The following ZFHX3 variants were observed in gnomAD, a reference collection of about 807,000 sequenced individuals.
The protein encoded by ZFHX3 is zinc finger homeobox 3, also known as zinc finger homeobox protein 3.
A neutral mutation model predicts 279.1 loss-of-function variants in ZFHX3; 42 were observed. The observed-to-expected ratio is 0.15, with a 90% confidence interval of 0.12 to 0.19. The LOEUF (loss-of-function observed/expected upper bound fraction) is 0.19. ZFHX3 is among the 10% of genes least tolerant of loss of function. The pLI, the probability that ZFHX3 is intolerant of heterozygous loss-of-function variation, is 1.00. For missense variants in ZFHX3, 4,981 were observed against 4,754.0 expected, an observed-to-expected ratio of 1.05 and a Z score of -1.40; for synonymous variants, 2,293 against 1,957.8, an observed-to-expected ratio of 1.17 and a Z score of -4.52.
chr16:73,703,201 A>C (rs2053268043), intron 1 of ZFHX3, among the ~76,000 whole-genome samples: 1 of 152,062 alleles, frequency 6.6e-6, no homozygotes, highest in Non-Finnish European at 1.5e-5. Context: ...CTTTGGGAGC[A>C]GTTCGTTTAA....
At chr16:72,981,480 G>A (rs1962597431) in intron 1 of ZFHX3, among the ~76,000 whole-genome samples, 1 of 152,180 alleles carries the variant, frequency 6.6e-6, no homozygotes, top group Admixed American at 6.5e-5. Context: ...AACACTTTCA[G>A]TGAGTTTAAA....
Position 73,365,726 on chromosome 16 carries a change from C to A in ZFHX3, c.-1290-47390G>T, listed in dbSNP as rs530586446. The stretch of plus-strand genomic sequence containing the variant: ...TGTATCAGCCCTCTGGCCCCCAGCT[C>A]ACCAAAATAAACACAGCCTGTAGAA... On this transcript the variant is annotated intron_variant, in intron 3 of 17. Transcript: ENST00000641206. Among the ~76,000 whole-genome samples, 7 of 152,304 alleles carry A rather than the reference C, an allele frequency of 4.6e-5. No homozygotes were observed. The East Asian group carries it at 1.4e-3, about 29-fold the overall frequency.
intron 2 of ZFHX3, among the ~76,000 whole-genome samples, chr16:73,466,371 C>T (rs2018570727): frequency 6.6e-6 from 1 of 152,096 alleles, no homozygotes; most frequent in Admixed American, 6.5e-5. Flanking sequence ...TGGTCCCAGC[C>T]ACTTTGGAGA....
chr16:73,158,318 A>G (rs1336318913), intron 5 of ZFHX3, among the ~76,000 whole-genome samples: 1 of 152,172 alleles, frequency 6.6e-6, no homozygotes, highest in Non-Finnish European at 1.5e-5. Context: ...TGACAACTGA[A>G]TAGTTTAAAA....
chr16:73,067,631 A>G (rs933489476), intron 8 of ZFHX3, among the ~76,000 whole-genome samples: 1 of 152,190 alleles, frequency 6.6e-6, no homozygotes, highest in Non-Finnish European at 1.5e-5. Flanking sequence ...TTTGCAACAA[A>G]GATGCACGGT....
At chr16:73,186,011 C>T (rs1174751556) in intron 5 of ZFHX3, among the ~76,000 whole-genome samples, 1 of 152,096 alleles carries the variant, frequency 6.6e-6, no homozygotes, top group Non-Finnish European at 1.5e-5. Context: ...TTGGGAACTG[C>T]ATATGCGAGG....
intron 1 of ZFHX3, among the ~76,000 whole-genome samples, chr16:73,747,667 A>G (rs2053716548): frequency 2.0e-5 from 3 of 152,190 alleles, no homozygotes; most frequent in Admixed American, 1.3e-4. Context: ...AGATATAAGT[A>G]TAGGTATAGG....
Position 73,044,600 on chromosome 16 carries a change from GTGTTTGTT to G in ZFHX3, c.-50+3144_-50+3151del, listed in dbSNP as rs55924998. Among the ~76,000 whole-genome samples, 18 of 150,962 alleles carry G rather than the reference GTGTTTGTT, an allele frequency of 1.2e-4. 1 individual carries two copies. The highest frequency in any genetic ancestry group is 2.1e-4 in the South Asian group (1 of 4,752). ...CAAGTGAGTTACTCTTAAAAGGTGA[GTGTTTGTT>G]TGTTTGTTTGTTTGTTTGCTTTGAG... On this transcript the variant is annotated intron_variant, in intron 1 of 9. Coordinates refer to ENST00000268489, the MANE Select transcript of ZFHX3 (RefSeq NM_006885.4).
At chr16:73,001,898 G>A (rs1963511513) in intron 1 of ZFHX3, among the ~76,000 whole-genome samples, 1 of 151,958 alleles carries the variant, frequency 6.6e-6, no homozygotes, top group Non-Finnish European at 1.5e-5. Flanking sequence ...AGGCCAGACT[G>A]ACTCTCTCTA....
chr16:73,115,500 G>T (rs972496253), intron 7 of ZFHX3, among the ~76,000 whole-genome samples: 1 of 151,984 alleles, frequency 6.6e-6, no homozygotes, highest in African/African-American at 2.4e-5. Flanking sequence ...CAGTGAACCG[G>T]GATCATGCCA....
At chr16:73,298,500 GTTTTTTT>G (rs113148342) in intron 4 of ZFHX3, among the ~76,000 whole-genome samples, 1 of 133,980 alleles carries the variant, frequency 7.5e-6, no homozygotes, top group East Asian at 2.2e-4. Flanking sequence ...TGTTGTCGTC[GTTTTTTT>G]TTTTTTTTTC....
chr16:72,819,561 G>A (rs1214213393), intron 5 of ZFHX3, among the ~76,000 whole-genome samples: 3 of 152,182 alleles, frequency 2.0e-5, no homozygotes, highest in Non-Finnish European at 2.9e-5. Context: ...GTCCAGGGAC[G>A]ACACTTTGAG....
chr16:72,899,829 A>G (rs1356234989), intron 3 of ZFHX3, among the ~76,000 whole-genome samples: 1 of 152,234 alleles, frequency 6.6e-6, no homozygotes, highest in Non-Finnish European at 1.5e-5. Context: ...CCTTCATAAT[A>G]AATGAGGCTA....
At chr16:73,661,952 G>A (rs200296754) in intron 2 of ZFHX3, among the ~76,000 whole-genome samples, 46 of 148,362 alleles carry the variant, frequency 3.1e-4, no homozygotes, top group African/African-American at 1.0e-3. Flanking sequence ...CACCTATAAC[G>A]TAGGTCATTC....
At chr16:73,876,274 C>T (rs890825507) in intron 1 of ZFHX3, among the ~76,000 whole-genome samples, 2 of 152,198 alleles carry the variant, frequency 1.3e-5, no homozygotes, top group African/African-American at 2.4e-5. Flanking sequence ...AAAATATCCT[C>T]TAAGACTGAT....
chr16:73,546,423 G>T (rs867405479), intron 2 of ZFHX3, among the ~76,000 whole-genome samples: 5 of 151,688 alleles, frequency 3.3e-5, no homozygotes, highest in African/African-American at 1.2e-4. Context: ...GAGGTAGTTT[G>T]GGTAGCTGTT....
intron 2 of ZFHX3, among the ~76,000 whole-genome samples, chr16:73,546,956 C>G (rs1050574607): frequency 1.3e-5 from 2 of 151,990 alleles, no homozygotes; most frequent in African/African-American, 4.8e-5. Flanking sequence ...TACCCCTGTC[C>G]CCATTGTTAA....
chr16:73,207,972 T>G (rs914322186), intron 5 of ZFHX3, among the ~76,000 whole-genome samples: 1 of 152,182 alleles, frequency 6.6e-6, no homozygotes. Context: ...TACAGACTTG[T>G]GGAAGCTGTC....
At chr16:73,112,983 A>C (rs747936367) in intron 7 of ZFHX3, among the ~76,000 whole-genome samples, 4 of 152,074 alleles carry the variant, frequency 2.6e-5, no homozygotes, top group Admixed American at 2.0e-4. Flanking sequence ...TTCACTGGAC[A>C]AACTTTGGCT....
Sources: allele counts gnomAD v4.1 joint callset (sites outside exome capture counted in the v4.1 genomes callset), GRCh38; gene constraint gnomAD v4.1.1; transcripts MANE v1.5; gene names NCBI Gene and HGNC (gene_info 2026-07-23, HGNC 2026-07-21).